The following DSCAM variants were observed in gnomAD, a reference collection of about 807,000 sequenced individuals.
The protein encoded by DSCAM is cell adhesion molecule DSCAM.
DSCAM carries 47 observed loss-of-function variants against 217.7 expected under a neutral mutation model. That is an observed-to-expected ratio of 0.22 (90% CI 0.17 to 0.28). The LOEUF is 0.28. DSCAM is among the 10% of genes least tolerant of loss of function. The probability of loss-of-function intolerance (pLI) is 1.00; values close to 1 mark genes in which losing one functional copy is unlikely to be tolerated. For missense variants in DSCAM, 2,080 were observed against 2,618.3 expected, an observed-to-expected ratio of 0.79 and a Z score of 4.49; for synonymous variants, 1,056 against 1,015.3, an observed-to-expected ratio of 1.04 and a Z score of -0.76.
At chr21:40,496,554 GAAGTA>G (rs2076119978) in intron 3 of DSCAM, among the ~76,000 whole-genome samples, 1 of 152,006 alleles carries the variant, frequency 6.6e-6, no homozygotes, top group South Asian at 2.1e-4. Flanking sequence ...CATAAGACTT[GAAGTA>G]AATACAGGGG....
At chr21:40,273,637 A>C (rs549360639) in intron 11 of DSCAM, among the ~76,000 whole-genome samples, 2 of 152,260 alleles carry the variant, frequency 1.3e-5, no homozygotes, top group Admixed American at 1.3e-4. Context: ...TTCGTTCCGT[A>C]GTTTCTTAGT....
intron 27 of DSCAM, among the ~76,000 whole-genome samples, chr21:40,065,700 T>C (rs2089196815): frequency 6.6e-6 from 1 of 152,118 alleles, no homozygotes; most frequent in Admixed American, 6.5e-5. Flanking sequence ...AGCCAGCATG[T>C]CCCCAGGGGA....
chr21:40,579,928 G>A (rs1319678677), intron 3 of DSCAM, among the ~76,000 whole-genome samples: 4 of 152,142 alleles, frequency 2.6e-5, no homozygotes, highest in Non-Finnish European at 4.4e-5. Context: ...TGAGCCACGT[G>A]GTGGCCCAGG....
intron 3 of DSCAM, among the ~76,000 whole-genome samples, chr21:40,544,327 G>T (rs1374164530): frequency 6.6e-6 from 1 of 152,138 alleles, no homozygotes. Context: ...TAAGTTGAGC[G>T]GTGTCACCCC....
At position 40,641,468 on chromosome 21, in the gene DSCAM, C is replaced by A. The variant is rs562269702; in HGVS notation, c.508+51342G>T. 8.7e-4 allele frequency among the ~76,000 whole-genome samples: 132 copies of A among 152,276 alleles called. 2 individuals are homozygous for A. In the South Asian group the frequency reaches 0.02, roughly 23 times the overall value. On this transcript the variant is annotated intron_variant, in intron 3 of 32. Coordinates refer to ENST00000400454, the MANE Select transcript of DSCAM (RefSeq NM_001389.5). ...CTGTAGCAATGCCCATTTGCCAGAT[C>A]ACATTTAAGTCAAGCAGACGGTTAT...
chr21:40,200,444 C>T (rs532917917), intron 11 of DSCAM, among the ~76,000 whole-genome samples: 1 of 152,116 alleles, frequency 6.6e-6, no homozygotes. Flanking sequence ...AGCATAATCT[C>T]CTCAAGGTTC....
chr21:40,276,106 T>C lies in DSCAM; in HGVS notation c.2347A>G (p.Thr783Ala), dbSNP rs953346882. 20 of 1,579,496 alleles carry C rather than the reference T, an allele frequency of 1.3e-5. No individual in the cohort carries two copies. The highest frequency in any genetic ancestry group is 1.9e-5 in the Admixed American group (1 of 52,610). The change falls in exon 11 of 33, where the codon ACG becomes GCG. Residue 783 changes from threonine to alanine, a missense_variant. Thr to Ala is a moderately conservative substitution (Grantham distance 58, BLOSUM62 0). Coordinates refer to ENST00000400454, the MANE Select transcript of DSCAM (RefSeq NM_001389.5). ...ATTTCTTCTCTCTTACTTTTAACCG[T>C]GAGGTACATGGACTTGCTGACGTCT... is the stretch of plus-strand genomic sequence containing the variant. Reference protein sequence around the residue: ...GADVSKSMYLTVKIPAMITSY... With the variant: ...GADVSKSMYLAVKIPAMITSY...
intron 3 of DSCAM, among the ~76,000 whole-genome samples, chr21:40,577,262 C>T (rs1373931025): frequency 6.7e-6 from 1 of 149,880 alleles, no homozygotes; most frequent in African/African-American, 2.5e-5. Context: ...AAAAAAGAGT[C>T]CTTTATTAGC....
intron 1 of DSCAM, among the ~76,000 whole-genome samples, chr21:40,843,265 C>T (rs945610574): frequency 6.6e-6 from 1 of 152,026 alleles, no homozygotes; most frequent in African/African-American, 2.4e-5. Context: ...ACTCCCAGCA[C>T]CCCACCGTCT....
intron 11 of DSCAM, among the ~76,000 whole-genome samples, chr21:40,269,261 C>G (rs1445058641): frequency 2.6e-5 from 4 of 152,180 alleles, no homozygotes; most frequent in African/African-American, 9.7e-5. Flanking sequence ...GGATAAACCT[C>G]TTTTGCAGAG....
At position 40,570,431 on chromosome 21, in the gene DSCAM, T is replaced by C. The variant is rs79843996; in HGVS notation, c.508+122379A>G. Among the ~76,000 whole-genome samples, 34 of 152,328 alleles carry C rather than the reference T, an allele frequency of 2.2e-4. 1 individual carries two copies. The East Asian group carries it at 5.6e-3, about 25-fold the overall frequency. On this transcript the variant is annotated intron_variant, in intron 3 of 32. Coordinates refer to ENST00000400454, the MANE Select transcript of DSCAM (RefSeq NM_001389.5). Reference sequence around the variant, plus strand: ...CAGAAGGACAGAAGGAGCATGTCCTTCCTGCAAGGGCAAGGTAAACATTCC... The same window carrying C: ...CAGAAGGACAGAAGGAGCATGTCCTCCCTGCAAGGGCAAGGTAAACATTCC...
intron 3 of DSCAM, among the ~76,000 whole-genome samples, chr21:40,670,140 G>A (rs1880656652): frequency 6.6e-6 from 1 of 152,164 alleles, no homozygotes; most frequent in Non-Finnish European, 1.5e-5. Context: ...TTTAAGAGAA[G>A]AGGTGCAATA....
chr21:40,771,214 GCATAGAAC>G (rs1413757083), intron 1 of DSCAM, among the ~76,000 whole-genome samples: 1 of 152,208 alleles, frequency 6.6e-6, no homozygotes, highest in East Asian at 1.9e-4. Flanking sequence ...GCTTTCATTA[GCATAGAAC>G]CATGCTGCCC....
intron 3 of DSCAM, among the ~76,000 whole-genome samples, chr21:40,450,144 A>G (rs2075706890): frequency 6.6e-6 from 1 of 152,186 alleles, no homozygotes; most frequent in South Asian, 2.1e-4. Context: ...TCTGGTACTC[A>G]TTTAAAAAAA....
At chr21:40,062,505 A>G (rs1244869481) in intron 28 of DSCAM, among the ~76,000 whole-genome samples, 1 of 152,134 alleles carries the variant, frequency 6.6e-6, no homozygotes, top group Admixed American at 6.5e-5. Context: ...TTTTCTTTTA[A>G]CTTGGATTAT....
chr21:40,811,687 C>T (rs1209293031), intron 1 of DSCAM, among the ~76,000 whole-genome samples: 1 of 152,170 alleles, frequency 6.6e-6, no homozygotes, highest in African/African-American at 2.4e-5. Context: ...AACCTGGAGG[C>T]TGAGAGAGCA....
intron 11 of DSCAM, among the ~76,000 whole-genome samples, chr21:40,251,498 G>C (rs560811471): frequency 3.2e-4 from 48 of 152,282 alleles, no homozygotes; most frequent in African/African-American, 1.1e-3. Context: ...GTCTTCCCTT[G>C]TTTTAATTTG....
At chr21:40,545,616 C>G (rs1300610476) in intron 3 of DSCAM, among the ~76,000 whole-genome samples, 1 of 152,052 alleles carries the variant, frequency 6.6e-6, no homozygotes, top group Non-Finnish European at 1.5e-5. Flanking sequence ...GTTTCCTCAT[C>G]TCTAAAACAG....
At chr21:40,199,773 C>T (rs1008816816) in intron 11 of DSCAM, among the ~76,000 whole-genome samples, 2 of 151,994 alleles carry the variant, frequency 1.3e-5, no homozygotes, top group Non-Finnish European at 2.9e-5. Context: ...CGGGGCCTGT[C>T]GGTGGGTGGG....
Sources: allele counts gnomAD v4.1 joint callset (sites outside exome capture counted in the v4.1 genomes callset), GRCh38; gene constraint gnomAD v4.1.1; transcripts MANE v1.5; gene names NCBI Gene and HGNC (gene_info 2026-07-23, HGNC 2026-07-21).